Variants in RBFOX1 observed in about 807,000 individuals in gnomAD.
RBFOX1 encodes RNA binding protein fox-1 homolog 1.
A neutral mutation model predicts 57.7 loss-of-function variants in RBFOX1; 8 were observed. The observed-to-expected ratio is 0.14, with a 90% CI of 0.08 to 0.25. The LOEUF is 0.25. Ranked by LOEUF, RBFOX1 falls within the 10% of genes least tolerant of loss-of-function variation. The pLI, the probability that RBFOX1 is intolerant of heterozygous loss-of-function variation, is 1.00. For synonymous variants in RBFOX1, 326 were observed against 222.4 expected (o/e 1.47, Z -4.15); for missense variants, 611 against 548.5 (o/e 1.11, Z -1.14).
chr16:5,661,918 T>TG (rs1400447062), intron 3 of RBFOX1, among the ~76,000 whole-genome samples: 1 of 152,086 alleles, frequency 6.6e-6, no homozygotes, highest in Non-Finnish European at 1.5e-5. Flanking sequence ...CCCGAGTCGC[T>TG]GGGACTACAG....
chr16:7,485,930 C>T (rs906378823), intron 4 of RBFOX1, among the ~76,000 whole-genome samples: 1 of 152,070 alleles, frequency 6.6e-6, no homozygotes, highest in Non-Finnish European at 1.5e-5. Flanking sequence ...ACATATTGTT[C>T]ATGGTTGCTG....
Position 6,746,026 on chromosome 16 carries a change from A to C in RBFOX1, c.-16+91376A>C, listed in dbSNP as rs187208930. Among the ~76,000 whole-genome samples the C allele has an allele frequency of 1.9e-4, 29 of 152,376 alleles. 1 individual carries two copies. In the East Asian group the frequency reaches 5.0e-3, roughly 26 times the overall value. The stretch of plus-strand genomic sequence containing the variant: ...GCTTAAAAATATCATTTGCAATAGC[A>C]TTTTGAACAGTGAAATACTTAGAGG... On this transcript the variant is annotated intron_variant, in intron 3 of 15. Coordinates refer to ENST00000550418, the MANE Select transcript of RBFOX1 (RefSeq NM_018723.4).
intron 4 of RBFOX1, among the ~76,000 whole-genome samples, chr16:7,251,323 C>T (rs1332690460): frequency 6.6e-6 from 1 of 151,906 alleles, no homozygotes; most frequent in Non-Finnish European, 1.5e-5. Flanking sequence ...CAGGTTCATC[C>T]ACAGTGTTGC....
chr16:6,650,148 G>T (rs1041122834), intron 2 of RBFOX1, among the ~76,000 whole-genome samples: 1 of 152,136 alleles, frequency 6.6e-6, no homozygotes, highest in African/African-American at 2.4e-5. Context: ...CCTCCACACC[G>T]TTTTTTGTAA....
chr16:6,874,268 G>A lies in RBFOX1; in HGVS notation c.-15-177789G>A, dbSNP rs1313337446. 2.6e-5 allele frequency among the ~76,000 whole-genome samples: 4 copies of A among 152,032 alleles called. No individual in the cohort carries two copies. In the East Asian group the frequency reaches 5.8e-4, roughly 22 times the overall value. On this transcript the variant is annotated intron_variant, in intron 3 of 15. Transcript: ENST00000550418. ...TTCACACTTGTAATCCCAGCACTTC[G>A]GGAGGCTGAGGCAGGTGGATAATCT...
intron 5 of RBFOX1, among the ~76,000 whole-genome samples, chr16:7,527,546 A>G (rs1270490296): frequency 2.0e-5 from 3 of 152,282 alleles, no homozygotes; most frequent in Middle Eastern, 3.4e-3. Context: ...CGTTGGTTAA[A>G]TATCTTTAGA....
chr16:6,657,234 T>A (rs2098665308), intron 3 of RBFOX1, among the ~76,000 whole-genome samples: 1 of 151,874 alleles, frequency 6.6e-6, no homozygotes, highest in Admixed American at 6.6e-5. Flanking sequence ...TTCCTTCTTT[T>A]TCCTTCCTTC....
chr16:6,333,890 A>T (rs2152811469), intron 2 of RBFOX1, among the ~76,000 whole-genome samples: 1 of 152,336 alleles, frequency 6.6e-6, no homozygotes, highest in Non-Finnish European at 1.5e-5. Context: ...GAAGAAATCA[A>T]AAGAAAGCCA....
chr16:7,182,527 T>C (rs1567602857), intron 4 of RBFOX1, among the ~76,000 whole-genome samples: 2 of 152,214 alleles, frequency 1.3e-5, no homozygotes, highest in Admixed American at 6.5e-5. Context: ...ACTGTTGTTA[T>C]AGAAATATGG....
At chr16:7,093,471 G>C (rs911458801) in intron 4 of RBFOX1, among the ~76,000 whole-genome samples, 2 of 152,096 alleles carry the variant, frequency 1.3e-5, no homozygotes, top group African/African-American at 4.8e-5. Flanking sequence ...AGATGTTTTT[G>C]AACATTTGGA....
At chr16:7,064,586 C>G (rs1469372930) in intron 4 of RBFOX1, among the ~76,000 whole-genome samples, 1 of 152,120 alleles carries the variant, frequency 6.6e-6, no homozygotes, top group Non-Finnish European at 1.5e-5. Flanking sequence ...GAGAAGAAAC[C>G]AACCCCCCTG....
chr16:6,375,236 C>T (rs79262768), intron 2 of RBFOX1, among the ~76,000 whole-genome samples: 3 of 152,054 alleles, frequency 2.0e-5, no homozygotes, highest in African/African-American at 7.3e-5. Context: ...ATAGGGAATT[C>T]TCCATGTCAT....
chr16:7,537,784 G>A (rs1024040266), intron 5 of RBFOX1, among the ~76,000 whole-genome samples: 1 of 152,154 alleles, frequency 6.6e-6, no homozygotes, highest in Non-Finnish European at 1.5e-5. Context: ...CTCCACCCCA[G>A]TGCAGATTTC....
chr16:7,089,715 G>T (rs2060515323), intron 4 of RBFOX1, among the ~76,000 whole-genome samples: 1 of 152,130 alleles, frequency 6.6e-6, no homozygotes, highest in South Asian at 2.1e-4. Flanking sequence ...CGAAAAACTT[G>T]CTGATTTGTT....
chr16:7,500,978 G>T (rs1051145345), intron 4 of RBFOX1, among the ~76,000 whole-genome samples: 15 of 152,124 alleles, frequency 9.9e-5, no homozygotes. Flanking sequence ...CTCGGCCCTT[G>T]TCCTTCCTGC....
At chr16:6,601,074 G>C (rs1287265606) in intron 2 of RBFOX1, among the ~76,000 whole-genome samples, 1 of 152,178 alleles carries the variant, frequency 6.6e-6, no homozygotes, top group South Asian at 2.1e-4. Context: ...TGTCAGACCA[G>C]AAATTATAGA....
chr16:5,529,756 C>T (rs952726005), intron 2 of RBFOX1, among the ~76,000 whole-genome samples: 2 of 151,930 alleles, frequency 1.3e-5, no homozygotes, highest in Admixed American at 6.6e-5. Context: ...TTAGTAGAAA[C>T]GGGGTTTCAC....
intron 1 of RBFOX1, among the ~76,000 whole-genome samples, chr16:6,096,118 A>T (rs996158065): frequency 1.3e-5 from 2 of 152,224 alleles, no homozygotes; most frequent in Non-Finnish European, 2.9e-5. Flanking sequence ...TTCATGGTAA[A>T]CGACCTTGTC....
At chr16:7,294,986 A>T (rs917865377) in intron 4 of RBFOX1, among the ~76,000 whole-genome samples, 1 of 152,152 alleles carries the variant, frequency 6.6e-6, no homozygotes, top group Non-Finnish European at 1.5e-5. Flanking sequence ...AAAATAATCT[A>T]CCTTGCAGGA....
Sources: gnomAD v4.1 joint callset for allele counts (sites outside exome capture counted in the v4.1 genomes callset) on GRCh38, gnomAD v4.1.1 for gene constraint, MANE v1.5 for transcripts, NCBI Gene and HGNC (gene_info 2026-07-23, HGNC 2026-07-21) for gene names.